The following TFDP2 variants were observed in gnomAD, a reference collection of about 807,000 sequenced individuals.
The protein encoded by TFDP2 is transcription factor Dp-2.
Under a neutral mutation model 59.3 loss-of-function variants are expected in TFDP2, and 17 were observed. The observed-to-expected ratio is 0.29, with a 90% CI of 0.20 to 0.43. The LOEUF is 0.43. Among genes scored for constraint, TFDP2 ranks in the 20% least tolerant of loss-of-function variants. The pLI, the probability that TFDP2 is intolerant of heterozygous loss-of-function variation, is 1.00. For missense variants in TFDP2, 391 were observed against 528.8 expected (o/e 0.74, Z 2.56); for synonymous variants, 180 against 194.7 (o/e 0.92, Z 0.63).
At position 142,087,300 on chromosome 3, in the gene TFDP2, T is replaced by C. The variant is rs1405715623; in HGVS notation, c.82+5761A>G. The stretch of plus-strand genomic sequence containing the variant: ...GTATACTTACACAAACCTAAATGTG[T>C]AGCATGTTACTGTACTGAATACTGT... On this transcript the variant is annotated intron_variant, in intron 3 of 12. Coordinates refer to ENST00000489671, the MANE Select transcript of TFDP2 (RefSeq NM_001178139.2). 4.6e-5 allele frequency among the ~76,000 whole-genome samples: 7 copies of C among 152,168 alleles called. No homozygotes were observed. In the South Asian group the frequency reaches 8.3e-4, roughly 18 times the overall value.
At chr3:142,112,646 A>G (rs2061699714) in intron 1 of TFDP2, among the ~76,000 whole-genome samples, 1 of 152,182 alleles carries the variant, frequency 6.6e-6, no homozygotes, top group African/African-American at 2.4e-5. Context: ...TCACCAAATA[A>G]ATTCACTGAG....
intron 5 of TFDP2, among the ~76,000 whole-genome samples, chr3:141,994,061 A>C (rs1023933334): frequency 6.6e-6 from 1 of 152,262 alleles, no homozygotes; most frequent in African/African-American, 2.4e-5. Context: ...AATGTTCATA[A>C]GGATTGAATA....
At chr3:142,092,423 C>T (rs2061025308) in intron 3 of TFDP2, among the ~76,000 whole-genome samples, 1 of 152,062 alleles carries the variant, frequency 6.6e-6, no homozygotes, top group Non-Finnish European at 1.5e-5. Flanking sequence ...ACCTTCCAGG[C>T]TCAAGCAATC....
intron 10 of TFDP2, among the ~76,000 whole-genome samples, chr3:141,962,499 C>T (rs1182639536): frequency 2.6e-5 from 4 of 152,144 alleles, no homozygotes; most frequent in African/African-American, 7.2e-5. Flanking sequence ...GCTGGGACTA[C>T]AGGCGTGCGC....
intron 3 of TFDP2, among the ~76,000 whole-genome samples, chr3:142,065,490 CTGTG>C (rs578129854): frequency 3.2e-4 from 47 of 148,372 alleles, no homozygotes; most frequent in Middle Eastern, 3.5e-3. Flanking sequence ...ACCATTCACT[CTGTG>C]TGTGTGTGTG....
chr3:142,148,838 G>C (rs571959386), intron 1 of TFDP2, among the ~76,000 whole-genome samples: 13 of 152,342 alleles, frequency 8.5e-5, no homozygotes, highest in Non-Finnish European at 1.3e-4. Flanking sequence ...AGTCATGAAA[G>C]GAGAAGGGAA....
intron 11 of TFDP2, 49 bp downstream of exon 11, chr3:141,959,625 G>A: frequency 6.3e-7 from 1 of 1,576,418 alleles, no homozygotes; most frequent in Non-Finnish European, 8.6e-7. Context: ...AACAAGTTTG[G>A]ATTCAACATT....
chr3:142,083,999 C>T (rs1184124829), intron 3 of TFDP2, among the ~76,000 whole-genome samples: 1 of 152,108 alleles, frequency 6.6e-6, no homozygotes, highest in Non-Finnish European at 1.5e-5. Context: ...CAAAAATGGA[C>T]AAATGCGAAC....
chr3:141,979,369 AT>A (rs1360755202), intron 6 of TFDP2, among the ~76,000 whole-genome samples: 1 of 152,204 alleles, frequency 6.6e-6, no homozygotes, highest in Non-Finnish European at 1.5e-5. Flanking sequence ...ACTTTTCATC[AT>A]TACTTTAGAG....
intron 3 of TFDP2, among the ~76,000 whole-genome samples, chr3:142,037,621 G>A (rs1309488380): frequency 6.6e-6 from 1 of 152,164 alleles, no homozygotes; most frequent in Non-Finnish European, 1.5e-5. Flanking sequence ...TACACATAAG[G>A]AAATGGTTTT....
rs1040942606 is a variant in TFDP2 at position 142,023,261 on chromosome 3, C to T, written c.83-17717G>A. Reference sequence around the variant, plus strand: ...GTGCAGTGGCGTGATCTCAGCTCACCGTAACCTCCGCCTCCCGCGTTCAAG... The same window carrying T: ...GTGCAGTGGCGTGATCTCAGCTCACTGTAACCTCCGCCTCCCGCGTTCAAG... On this transcript the variant is annotated intron_variant, in intron 3 of 12. Transcript: ENST00000489671. Among the ~76,000 whole-genome samples, 7 of 150,496 alleles carry T rather than the reference C, an allele frequency of 4.7e-5. No homozygotes were observed. The East Asian group carries it at 7.9e-4, about 17-fold the overall frequency.
chr3:142,105,458 T>C (rs1345944724), intron 1 of TFDP2, among the ~76,000 whole-genome samples: 3 of 152,066 alleles, frequency 2.0e-5, no homozygotes, highest in African/African-American at 7.2e-5. Context: ...GTGTCCTTTT[T>C]CCCCACCCTT....
intron 10 of TFDP2, among the ~76,000 whole-genome samples, chr3:141,963,084 G>A: frequency 6.6e-6 from 1 of 152,018 alleles, no homozygotes. Context: ...CGAAGTGGGG[G>A]AGCCATAAGC....
chr3:142,087,399 G>A (rs537703682), intron 3 of TFDP2, among the ~76,000 whole-genome samples: 1 of 152,108 alleles, frequency 6.6e-6, no homozygotes, highest in Admixed American at 6.5e-5. Context: ...AGTAAAAACA[G>A]ACTATTATCT....
In TFDP2 at chr3:141,978,584, T is replaced by C. The variant is rs1323929958; in HGVS notation, c.455A>G (p.Asn152Ser). 10 of 1,613,674 alleles carry C rather than the reference T, an allele frequency of 6.2e-6. No homozygotes were observed. In the East Asian group the frequency reaches 6.7e-5, roughly 11 times the overall value. Reference sequence around the variant, plus strand: ...TGACACCAGCTCATCAGCGACTTCATTGTACGATGTTGTACCTTTTCGTTG... The same window carrying C: ...TGACACCAGCTCATCAGCGACTTCACTGTACGATGTTGTACCTTTTCGTTG... ...KVQRKGTTSY[N>S]EVADELVSEF... Residue 152 changes from asparagine (N) to serine (S), a missense_variant, in exon 7 of 13, where the codon AAT (asparagine) becomes AGT (serine). Transcript: ENST00000489671.
At chr3:142,029,996 T>G (rs1183022144) in intron 3 of TFDP2, among the ~76,000 whole-genome samples, 1 of 152,238 alleles carries the variant, frequency 6.6e-6, no homozygotes, top group African/African-American at 2.4e-5. Flanking sequence ...TTGGAAAGTA[T>G]GTCTTGACAA....
intron 3 of TFDP2, among the ~76,000 whole-genome samples, chr3:142,020,245 T>G (rs1945481789): frequency 6.6e-6 from 1 of 152,010 alleles, no homozygotes; most frequent in Non-Finnish European, 1.5e-5. Context: ...ATTTCAAAAA[T>G]AACTCTTGGG....
intron 6 of TFDP2, among the ~76,000 whole-genome samples, chr3:141,982,493 T>C (rs555920079): frequency 3.2e-4 from 48 of 152,250 alleles, no homozygotes; most frequent in African/African-American, 1.1e-3. Flanking sequence ...GAACCATCAA[T>C]TGAGATAACT....
intron 1 of TFDP2, among the ~76,000 whole-genome samples, chr3:142,136,120 T>C (rs985343574): frequency 1.3e-5 from 2 of 152,060 alleles, no homozygotes; most frequent in South Asian, 4.1e-4. Flanking sequence ...TGGTATCTCA[T>C]TGTGGTTTTG....
Sources: gnomAD v4.1 joint callset for allele counts (sites outside exome capture counted in the v4.1 genomes callset) on GRCh38, gnomAD v4.1.1 for gene constraint, MANE v1.5 for transcripts, NCBI Gene and HGNC (gene_info 2026-07-23, HGNC 2026-07-21) for gene names.